KIF5C: variants seen among roughly 807,000 people sequenced by gnomAD.
KIF5C encodes kinesin heavy chain isoform 5C.
KIF5C carries 18 observed loss-of-function variants against 125.2 expected under a neutral mutation model. The observed-to-expected ratio is 0.14, with a 90% CI of 0.10 to 0.21. The LOEUF (loss-of-function observed/expected upper bound fraction) is 0.21, where lower values mean the gene tolerates loss of function less well. KIF5C is among the 10% of genes least tolerant of loss of function. KIF5C has a pLI of 1.00. For synonymous variants in KIF5C, 405 were observed against 434.0 expected, an observed-to-expected ratio of 0.93 and a Z score of 0.83; for missense variants, 780 against 1,183.8, an observed-to-expected ratio of 0.66 and a Z score of 5.01.
chr2:148,957,259 A>G (rs1682813322), intron 10 of KIF5C, among the ~76,000 whole-genome samples: 1 of 152,246 alleles, frequency 6.6e-6, no homozygotes. Context: ...AAACCACAAC[A>G]AGACAGCAGA....
At chr2:149,018,590 A>G (rs1682438451) in intron 25 of KIF5C, among the ~76,000 whole-genome samples, 1 of 152,242 alleles carries the variant, frequency 6.6e-6, no homozygotes, top group East Asian at 1.9e-4. Context: ...GCACTTTGGG[A>G]GGCCAAGGCA....
chr2:148,960,060 C>A (rs1188340252), intron 10 of KIF5C, among the ~76,000 whole-genome samples: 1 of 152,200 alleles, frequency 6.6e-6, no homozygotes, highest in South Asian at 2.1e-4. Flanking sequence ...TCAAATCATG[C>A]AATTTGAGCA....
At chr2:148,947,067 A>T in intron 8 of KIF5C, 44 bp downstream of exon 8, 1 of 1,562,826 alleles carries the variant, frequency 6.4e-7, no homozygotes, top group Non-Finnish European at 8.6e-7. Context: ...TTCCCCTTTT[A>T]TTTGCTTCAT....
At chr2:148,875,803 G>GC (rs1405691742) in intron 1 of KIF5C, 60 bp downstream of exon 1, 2 of 1,552,166 alleles carry the variant, frequency 1.3e-6, no homozygotes, top group Non-Finnish European at 1.7e-6. Context: ...GCGCCCCGAC[G>GC]CCCCAGACGC....
rs1198520985 is a variant in KIF5C, at chr2:149,026,475, G to A, written c.*3405G>A. The A allele has an allele frequency of 2.0e-5, 3 of 152,446 alleles. No homozygotes were observed. Among genetic ancestry groups the A allele is most frequent in the Admixed American group, 6.5e-5 (1 of 15,294 alleles). 9.4% of individuals were successfully genotyped at this position (152,446 alleles called of 1,614,324 possible). A position where few individuals can be genotyped will look rare whatever the true frequency, so the allele number is the denominator to read the frequency against. Reference sequence around the variant, plus strand: ...AAAGTGTGTCCTGTGTACTGCAGATGTGTGTTCTCTGGGCTTTATGTATCT... The same window carrying A: ...AAAGTGTGTCCTGTGTACTGCAGATATGTGTTCTCTGGGCTTTATGTATCT... On this transcript the variant is annotated 3_prime_UTR_variant, in exon 26 of 26. Transcript: ENST00000435030.
At chr2:148,898,116 CCTGT>C (rs2105053216) in intron 1 of KIF5C, among the ~76,000 whole-genome samples, 1 of 151,934 alleles carries the variant, frequency 6.6e-6, no homozygotes, top group Admixed American at 6.6e-5. Flanking sequence ...TGTGGGAAGT[CCTGT>C]CTTTTTCCTA....
intron 1 of KIF5C, among the ~76,000 whole-genome samples, chr2:148,890,254 A>T (rs1035921689): frequency 7.2e-5 from 11 of 152,240 alleles, no homozygotes; most frequent in African/African-American, 2.7e-4. Context: ...GAAAGATGGA[A>T]TAACAGTTTC....
chr2:149,008,095 G>T, intron 23 of KIF5C, 28 bp downstream of exon 23: 1 of 1,589,750 alleles, frequency 6.3e-7, no homozygotes. Flanking sequence ...GCTCCCCTCT[G>T]ATTCCCTCCT....
At chr2:148,989,111 C>T (rs975919277) in intron 15 of KIF5C, among the ~76,000 whole-genome samples, 5 of 152,062 alleles carry the variant, frequency 3.3e-5, no homozygotes, top group African/African-American at 1.2e-4. Flanking sequence ...TATCCCTCAC[C>T]CCACTTCCCA....
chr2:148,914,686 G>T (rs1248992736), intron 1 of KIF5C, among the ~76,000 whole-genome samples: 2 of 152,226 alleles, frequency 1.3e-5, no homozygotes, highest in African/African-American at 4.8e-5. Context: ...ATTCTCCTGG[G>T]AGCAGCCTTG....
intron 10 of KIF5C, among the ~76,000 whole-genome samples, chr2:148,953,407 A>C (rs2105118157): frequency 6.6e-6 from 1 of 152,330 alleles, no homozygotes; most frequent in Admixed American, 6.5e-5. Flanking sequence ...CAAGTTAGTT[A>C]ATGGATTATT....
At chr2:149,017,916 C>CT (rs978430991) in intron 25 of KIF5C, among the ~76,000 whole-genome samples, 1 of 152,108 alleles carries the variant, frequency 6.6e-6, no homozygotes, top group Admixed American at 6.5e-5. Context: ...GAAAGAAGGG[C>CT]TTTTTCTGAA....
At chr2:148,903,666 G>T (rs981326909) in intron 1 of KIF5C, among the ~76,000 whole-genome samples, 4 of 152,202 alleles carry the variant, frequency 2.6e-5, no homozygotes, top group Non-Finnish European at 5.9e-5. Flanking sequence ...CGTCCTCACA[G>T]AATCTTATGA....
At chr2:148,925,487 A>G (rs1392042614) in intron 2 of KIF5C, among the ~76,000 whole-genome samples, 1 of 152,232 alleles carries the variant, frequency 6.6e-6, no homozygotes, top group Non-Finnish European at 1.5e-5. Context: ...AATCATAACA[A>G]CTTTCTGAAG....
intron 1 of KIF5C, among the ~76,000 whole-genome samples, chr2:148,907,204 A>T (rs1271393468): frequency 6.6e-6 from 1 of 152,234 alleles, no homozygotes; most frequent in East Asian, 1.9e-4. Flanking sequence ...TCTTTAATTA[A>T]GAAAACACTG....
At chr2:148,980,676 TTATTTA>T (rs1430994901) in intron 13 of KIF5C, among the ~76,000 whole-genome samples, 2 of 28,392 alleles carry the variant, frequency 7.0e-5, no homozygotes, top group East Asian at 1.2e-3. Flanking sequence ...GATCCTTTGC[TTATTTA>T]TTTATTTATT....
At chr2:149,015,613 C>T (rs1378012338) in intron 25 of KIF5C, among the ~76,000 whole-genome samples, 1 of 152,080 alleles carries the variant, frequency 6.6e-6, no homozygotes, top group East Asian at 1.9e-4. Flanking sequence ...ATGAAGATGC[C>T]AATATACAAA....
At chr2:148,998,582 G>A in intron 19 of KIF5C, 73 bp downstream of exon 19, 2 of 1,542,220 alleles carry the variant, frequency 1.3e-6, no homozygotes, top group Non-Finnish European at 1.8e-6. Flanking sequence ...CTGGAAGGAT[G>A]TGGCTCTTAG....
chr2:148,971,348 C>A (rs547108912), intron 11 of KIF5C, among the ~76,000 whole-genome samples: 14 of 148,534 alleles, frequency 9.4e-5, no homozygotes, highest in Admixed American at 1.3e-4. Context: ...CTATCTATCT[C>A]TAATATGTTT....
Sources: gnomAD v4.1 joint callset for allele counts (sites outside exome capture counted in the v4.1 genomes callset) on GRCh38, gnomAD v4.1.1 for gene constraint, MANE v1.5 for transcripts, NCBI Gene and HGNC (gene_info 2026-07-23, HGNC 2026-07-21) for gene names.